The following IGF1R variants were observed in gnomAD, a reference collection of about 807,000 sequenced individuals.
The protein encoded by IGF1R is insulin-like growth factor 1 receptor.
Under a neutral mutation model 144.6 loss-of-function variants are expected in IGF1R, and 44 were observed. That is an observed-to-expected ratio of 0.30 (90% confidence interval 0.24 to 0.39). The LOEUF (loss-of-function observed/expected upper bound fraction) is 0.39. Ranked by LOEUF, IGF1R falls within the 10% of genes least tolerant of loss-of-function variation. The pLI is 1.00. For synonymous variants in IGF1R, 795 were observed against 722.8 expected (o/e 1.10, Z -1.60); for missense variants, 1,355 against 1,833.7 (o/e 0.74, Z 4.77).
intron 18 of IGF1R, among the ~76,000 whole-genome samples, chr15:98,939,683 T>G (rs2016294817): frequency 6.6e-6 from 1 of 152,218 alleles, no homozygotes; most frequent in Admixed American, 6.5e-5. Context: ...TCAGGAGATT[T>G]TGACTTGGGA....
chr15:98,943,619 C>T (rs1001171506), intron 19 of IGF1R, among the ~76,000 whole-genome samples: 1 of 152,210 alleles, frequency 6.6e-6, no homozygotes, highest in African/African-American at 2.4e-5. Context: ...GGAAGCCCAT[C>T]GACCGAGGGA....
chr15:98,948,681 A>G lies in IGF1R; in HGVS notation c.3695A>G (p.Asp1232Gly). 6.2e-7 allele frequency: 1 copy of G among 1,614,136 alleles called. No homozygotes were observed. Among genetic ancestry groups the G allele is most frequent in the Non-Finnish European group, 8.5e-7 (1 of 1,180,026 alleles). The change falls in exon 20 of 21, where the codon GAC (aspartate) becomes GGC (glycine). Residue 1232 changes from aspartate (D) to glycine (G), a missense_variant. Asp to Gly is a moderately conservative substitution (Grantham distance 94). Transcript: ENST00000650285. ...TTCGTCATGGAGGGCGGCCTTCTGG[A>G]CAAGCCAGACAACTGTCCTGACATG... The part of the protein sequence containing the change: ...LRFVMEGGLL[D>G]KPDNCPDMLF...
intron 5 of IGF1R, among the ~76,000 whole-genome samples, chr15:98,907,190 G>T (rs561590668): frequency 6.6e-6 from 1 of 152,310 alleles, no homozygotes; most frequent in South Asian, 2.1e-4. Context: ...CTGGTCTGAC[G>T]TCCCTTTGTG....
rs746673171 is a variant in IGF1R, at chr15:98,957,273, C to T, written c.3935C>T (p.Ser1312Phe). 13 of 1,614,032 alleles carry T rather than the reference C, an allele frequency of 8.1e-6. No homozygotes were observed. In the South Asian group the frequency reaches 8.8e-5, roughly 11 times the overall value. The change falls in exon 21 of 21, where the codon TCC becomes TTC. Residue 1312 changes from serine (S) to phenylalanine (F), a missense_variant. Ser to Phe is a radical substitution (Grantham distance 155). Coordinates refer to ENST00000650285, the MANE Select transcript of IGF1R (RefSeq NM_000875.5). The part of the protein sequence containing the change: ...SVPLDPSASS[S>F]SLPLPDRHSG... Reference sequence around the variant, plus strand: ...CCCCTGGACCCCTCGGCCTCCTCGTCCTCCCTGCCACTGCCCGACAGACAC... The same window carrying T: ...CCCCTGGACCCCTCGGCCTCCTCGTTCTCCCTGCCACTGCCCGACAGACAC...
intron 3 of IGF1R, among the ~76,000 whole-genome samples, chr15:98,895,164 T>G (rs1042490717): frequency 4.6e-5 from 7 of 152,132 alleles, no homozygotes; most frequent in Non-Finnish European, 7.4e-5. Flanking sequence ...GGAACAGTTC[T>G]GTATCTTGAT....
In IGF1R at chr15:98,689,235, T is replaced by C. The variant is rs1049321301; in HGVS notation, c.95-18327T>C. Among the ~76,000 whole-genome samples, 36 of 73,394 alleles carry C rather than the reference T, an allele frequency of 4.9e-4. No individual in the cohort carries two copies. The East Asian group carries it at 9.7e-3, about 20-fold the overall frequency. 48.1% of individuals were successfully genotyped at this position (73,394 alleles called of 152,430 possible). ...AAGCAGCTTTGGACAGTTGCACTAC[T>C]TTTTTTTTTTTTTTTTTTTTTTTGA... is the stretch of plus-strand genomic sequence containing the variant. On this transcript the variant is annotated intron_variant, in intron 1 of 20. Coordinates refer to ENST00000650285, the MANE Select transcript of IGF1R (RefSeq NM_000875.5).
intron 1 of IGF1R, among the ~76,000 whole-genome samples, chr15:98,668,813 GTTT>G (rs2052810966): frequency 5.4e-5 from 1 of 18,468 alleles, no homozygotes; most frequent in Admixed American, 1.9e-3. Flanking sequence ...TCCAGGGTCT[GTTT>G]TGTAAAGCTG....
At position 98,891,408 on chromosome 15, in the gene IGF1R, C is replaced by G. The variant is rs1167847839; in HGVS notation, c.724C>G (p.Pro242Ala). The part of the protein sequence containing the change: ...HPECLGSCSA[P>A]DNDTACVACR... Reference sequence around the variant, plus strand: ...CGAGTGCCTGGGCAGCTGCAGCGCGCCTGACAACGACACGGCCTGTGTAGC... The same window carrying G: ...CGAGTGCCTGGGCAGCTGCAGCGCGGCTGACAACGACACGGCCTGTGTAGC... The change falls in exon 3 of 21, where the codon CCT becomes GCT. Residue 242 changes from proline (P) to alanine (A), a missense_variant. Pro to Ala is a conservative substitution (Grantham distance 27, BLOSUM62 -1). This residue lies in a region of IGF1R where 880 missense variants were observed against 1,202.7 expected (regional missense o/e 0.73). Transcript: ENST00000650285. This position sits in a 1 kb window ranked among gnomAD's most constrained non-coding sequence, Gnocchi z 4.7. The G allele has an allele frequency of 6.2e-7, 1 of 1,613,494 alleles. No homozygotes were observed.
chr15:98,804,347 C>T (rs2056426602), intron 2 of IGF1R, among the ~76,000 whole-genome samples: 1 of 152,174 alleles, frequency 6.6e-6, no homozygotes, highest in Non-Finnish European at 1.5e-5. Context: ...AGGTAATCTT[C>T]CACTTCTGAA....
At chr15:98,729,907 C>G (rs2054458307) in intron 2 of IGF1R, among the ~76,000 whole-genome samples, 1 of 152,200 alleles carries the variant, frequency 6.6e-6, no homozygotes, top group African/African-American at 2.4e-5. Flanking sequence ...AAGCACAGTT[C>G]TCACTTGTAA....
At chr15:98,854,204 T>C (rs932907618) in intron 2 of IGF1R, among the ~76,000 whole-genome samples, 5 of 152,138 alleles carry the variant, frequency 3.3e-5, no homozygotes, top group African/African-American at 1.2e-4. Context: ...ATGACTCTCT[T>C]ATGAAGTTAC....
At chr15:98,930,985 C>T (rs563160703) in intron 15 of IGF1R, among the ~76,000 whole-genome samples, 1 of 152,296 alleles carries the variant, frequency 6.6e-6, no homozygotes, top group Non-Finnish European at 1.5e-5. Flanking sequence ...TCCAGTGATA[C>T]TAGGACCCTT....
intron 17 of IGF1R, among the ~76,000 whole-genome samples, chr15:98,936,335 C>CT (rs1459414812): frequency 6.6e-6 from 1 of 152,206 alleles, no homozygotes; most frequent in South Asian, 2.1e-4. Context: ...ACCGTGGTGT[C>CT]TCCCCCCTCT....
Position 98,961,672 on chromosome 15 carries a change from C to T in IGF1R, c.*4230C>T, listed in dbSNP as rs577849602. ...CATGGAATTGATGTGAGCATTAAGACGTTCTCCCACACAGCCCTTCCCTGA... is the reference window on the plus strand; with the variant it reads ...CATGGAATTGATGTGAGCATTAAGATGTTCTCCCACACAGCCCTTCCCTGA... On this transcript the variant is annotated 3_prime_UTR_variant, in exon 21 of 21. Transcript: ENST00000650285. 3.0e-5 allele frequency: 7 copies of T among 233,734 alleles called. No homozygotes were observed. Among genetic ancestry groups the T allele is most frequent in the South Asian group, 3.6e-4 (2 of 5,532 alleles). The allele number at this position is 233,734 out of a possible 1,614,324, so 14.5% of individuals were successfully genotyped here.
chr15:98,806,024 A>G (rs2056463861), intron 2 of IGF1R, among the ~76,000 whole-genome samples: 1 of 152,134 alleles, frequency 6.6e-6, no homozygotes, highest in African/African-American at 2.4e-5. Flanking sequence ...GACTTGCCTG[A>G]AAGGTTGAGA....
chr15:98,780,302 G>A (rs908537452), intron 2 of IGF1R, among the ~76,000 whole-genome samples: 2 of 151,918 alleles, frequency 1.3e-5, no homozygotes, highest in Non-Finnish European at 2.9e-5. Flanking sequence ...TGTAATCCCA[G>A]TACTTTGGGA....
chr15:98,864,905 C>T (rs1179938183), intron 2 of IGF1R, among the ~76,000 whole-genome samples: 2 of 152,086 alleles, frequency 1.3e-5, no homozygotes, highest in African/African-American at 4.8e-5. Flanking sequence ...TTATTATGGC[C>T]CTCACACAAG....
chr15:98,946,209 AGGGGTG>A (rs1279646764), intron 19 of IGF1R, among the ~76,000 whole-genome samples: 1 of 46,226 alleles, frequency 2.2e-5, no homozygotes, highest in Non-Finnish European at 4.2e-5. Flanking sequence ...GGGGCGGGGC[AGGGGTG>A]GGGGGTTCCT....
At chr15:98,756,485 C>G (rs1410162084) in intron 2 of IGF1R, among the ~76,000 whole-genome samples, 2 of 151,902 alleles carry the variant, frequency 1.3e-5, no homozygotes, top group Non-Finnish European at 2.9e-5. Context: ...GTTATCATTT[C>G]TCTGGTAATC....
Sources: gnomAD v4.1 joint callset for allele counts (sites outside exome capture counted in the v4.1 genomes callset) on GRCh38, gnomAD v4.1.1 for gene constraint, gnomAD v4.1.1 regional missense constraint, Gnocchi (gnomAD v3.1) non-coding constraint, MANE v1.5 for transcripts, NCBI Gene and HGNC (gene_info 2026-07-23, HGNC 2026-07-21) for gene names.